The following RHOBTB3 variants were observed in gnomAD, a reference collection of about 807,000 sequenced individuals.
The protein encoded by RHOBTB3 is rho-related BTB domain-containing protein 3.
Under a neutral mutation model 67.2 loss-of-function variants are expected in RHOBTB3, and 47 were observed. The ratio of observed to expected loss-of-function variants is 0.70; its 90% CI spans 0.55 to 0.89. RHOBTB3 has a LOEUF of 0.89. RHOBTB3 is among the 40% of genes least tolerant of loss of function. The pLI, the probability that RHOBTB3 is intolerant of heterozygous loss-of-function variation, is 0.00. For synonymous variants in RHOBTB3, 273 were observed against 274.2 expected, an observed-to-expected ratio of 1.00 and a Z score of 0.04; for missense variants, 631 against 750.0, an observed-to-expected ratio of 0.84 and a Z score of 1.85.
chr5:95,775,569 G>A (rs2112823637), intron 8 of RHOBTB3, among the ~76,000 whole-genome samples: 1 of 152,018 alleles, frequency 6.6e-6, no homozygotes, highest in Admixed American at 6.5e-5. Context: ...CTCAACCTGT[G>A]CCAGGCATGA....
chr5:95,718,827 C>G (rs1334186205), intron 1 of RHOBTB3, among the ~76,000 whole-genome samples: 1 of 152,078 alleles, frequency 6.6e-6, no homozygotes, highest in Non-Finnish European at 1.5e-5. Context: ...CAGAAGAGGT[C>G]TAGCAGAGAG....
intron 7 of RHOBTB3, 134 bp from the exon 8 acceptor site, chr5:95,767,912 G>A: frequency 1.2e-6 from 1 of 864,098 alleles, no homozygotes; most frequent in East Asian, 2.6e-5. Context: ...TGAAACCTGT[G>A]ATCAGAGATG....
intron 2 of RHOBTB3, among the ~76,000 whole-genome samples, chr5:95,736,526 A>G (rs1755458452): frequency 6.6e-6 from 1 of 152,242 alleles, no homozygotes. Context: ...CGTTACTCAT[A>G]CTGTTGCTCT....
intron 4 of RHOBTB3, chr5:95,751,446 A>G (rs1745086028): frequency 6.6e-6 from 1 of 151,156 alleles, no homozygotes; most frequent in South Asian, 2.1e-4. Context: ...TGAGCAACAT[A>G]GTGATACTCC....
At chr5:95,756,739 A>G (rs1745257642) in intron 6 of RHOBTB3, among the ~76,000 whole-genome samples, 1 of 152,052 alleles carries the variant, frequency 6.6e-6, no homozygotes, top group Non-Finnish European at 1.5e-5. Context: ...ATTGATTTGC[A>G]TTTCCCTAAT....
chr5:95,770,637 A>T, intron 8 of RHOBTB3: 1 of 495,482 alleles, frequency 2.0e-6, no homozygotes, highest in Non-Finnish European at 4.1e-6. Context: ...CAGAAGTCAC[A>T]GAAATTCCTA....
At chr5:95,770,756 A>G in intron 8 of RHOBTB3, 1 of 307,096 alleles carries the variant, frequency 3.3e-6, no homozygotes, top group Admixed American at 3.2e-5. Flanking sequence ...AGGAAGCTCA[A>G]GGCAGTATTT....
intron 3 of RHOBTB3, among the ~76,000 whole-genome samples, chr5:95,744,117 C>G (rs1160685999): frequency 6.6e-6 from 1 of 151,540 alleles, no homozygotes; most frequent in Admixed American, 6.6e-5. Flanking sequence ...ATTTCATCAT[C>G]TCTGTGATTT....
intron 8 of RHOBTB3, among the ~76,000 whole-genome samples, chr5:95,776,929 C>T (rs543902539): frequency 8.4e-4 from 128 of 152,246 alleles, no homozygotes; most frequent in Non-Finnish European, 1.3e-3. Flanking sequence ...AACCCACGTT[C>T]GCAGTCAATC....
chr5:95,734,659 G>C (rs1008507742), intron 2 of RHOBTB3, among the ~76,000 whole-genome samples: 41 of 151,988 alleles, frequency 2.7e-4, no homozygotes, highest in Non-Finnish European at 5.9e-5. Flanking sequence ...CGTTTTTTTG[G>C]TGTGGTACAT....
intron 5 of RHOBTB3, among the ~76,000 whole-genome samples, chr5:95,754,150 A>G (rs550290700): frequency 1.3e-5 from 2 of 152,286 alleles, no homozygotes; most frequent in Admixed American, 6.5e-5. Context: ...ATGTGAGGGC[A>G]CTAAGTGATA....
intron 7 of RHOBTB3, 169 bp from the exon 8 acceptor site, chr5:95,767,875 CAT>C: frequency 1.4e-6 from 1 of 726,950 alleles, no homozygotes; most frequent in East Asian, 2.7e-5. Flanking sequence ...ACAGGCAGCC[CAT>C]ACAGTTCTTA....
At chr5:95,722,622 T>G (rs1754921053) in intron 1 of RHOBTB3, among the ~76,000 whole-genome samples, 1 of 152,214 alleles carries the variant, frequency 6.6e-6, no homozygotes, top group Non-Finnish European at 1.5e-5. Context: ...CCCAAGTAGC[T>G]GGGACTACAG....
In RHOBTB3 at chr5:95,794,819, TAGGTC is replaced by T. The variant is rs1210361779; in HGVS notation, c.*1649_*1653del. On this transcript the variant is annotated 3_prime_UTR_variant, in exon 12 of 12. Coordinates refer to ENST00000379982, the MANE Select transcript of RHOBTB3 (RefSeq NM_014899.4). ...TACCAACACTGCCAAAGTAAAACAT[TAGGTC>T]AGGCATGGTGGCTCAGGCCTGTAAT... is the stretch of plus-strand genomic sequence containing the variant. 6.6e-6 allele frequency: 1 copy of T among 152,122 alleles called. No homozygotes were observed. Among genetic ancestry groups the T allele is most frequent in the Non-Finnish European group, 1.5e-5 (1 of 68,030 alleles). 9.4% of individuals were successfully genotyped at this position (152,122 alleles called of 1,614,324 possible).
intron 8 of RHOBTB3, among the ~76,000 whole-genome samples, chr5:95,771,386 T>C (rs984286441): frequency 1.3e-5 from 2 of 152,326 alleles, no homozygotes; most frequent in Non-Finnish European, 2.9e-5. Flanking sequence ...TACTTTTAAC[T>C]TTGGTCATCT....
chr5:95,765,257 C>G (rs1437401925), intron 7 of RHOBTB3, among the ~76,000 whole-genome samples: 1 of 152,152 alleles, frequency 6.6e-6, no homozygotes, highest in Non-Finnish European at 1.5e-5. Flanking sequence ...ATATGGCTGA[C>G]AAGTACAGAA....
Position 95,793,791 on chromosome 5 carries a change from C to A in RHOBTB3, c.*617C>A. On this transcript the variant is annotated 3_prime_UTR_variant, in exon 12 of 12. Transcript: ENST00000379982. Reference sequence around the variant, plus strand: ...TTTGGCAATCTGAGTAGGCGGGGAACCTAGGCAGGGCTGGCTTTCTTAGCG... The same window carrying A: ...TTTGGCAATCTGAGTAGGCGGGGAAACTAGGCAGGGCTGGCTTTCTTAGCG... 3.3e-6 allele frequency: 1 copy of A among 298,658 alleles called. No individual in the cohort carries two copies. The highest frequency in any genetic ancestry group is 2.9e-5 in the South Asian group (1 of 34,628). The allele number at this position is 298,658 out of a possible 1,614,324, so 18.5% of individuals were successfully genotyped here. A position where few individuals can be genotyped will look rare whatever the true frequency, so the allele number is the denominator to read the frequency against.
intron 10 of RHOBTB3, among the ~76,000 whole-genome samples, chr5:95,786,754 A>G (rs746282804): frequency 6.6e-6 from 1 of 152,040 alleles, no homozygotes; most frequent in African/African-American, 2.4e-5. Context: ...CTTAAGTTCT[A>G]TTGCATTTGG....
chr5:95,757,990 T>C (rs1295116252), intron 6 of RHOBTB3, among the ~76,000 whole-genome samples: 4 of 152,248 alleles, frequency 2.6e-5, no homozygotes, highest in Non-Finnish European at 4.4e-5. Flanking sequence ...TTTAATCATA[T>C]GTTTAAGGAA....
Sources: allele counts gnomAD v4.1 joint callset (sites outside exome capture counted in the v4.1 genomes callset), GRCh38; gene constraint gnomAD v4.1.1; transcripts MANE v1.5; gene names NCBI Gene and HGNC (gene_info 2026-07-23, HGNC 2026-07-21).